Variants in SUGCT observed in about 807,000 individuals in gnomAD.
The protein encoded by SUGCT is succinyl-CoA:glutarate-CoA transferase.
SUGCT carries 41 observed loss-of-function variants against 55.0 expected under a neutral mutation model. That is an observed-to-expected ratio of 0.74 (90% CI 0.58 to 0.97). The LOEUF is 0.97. SUGCT is among the 50% of genes least tolerant of loss of function. The pLI, the probability that SUGCT is intolerant of heterozygous loss-of-function variation, is 0.00. For synonymous variants in SUGCT, 187 were observed against 200.4 expected, an observed-to-expected ratio of 0.93 and a Z score of 0.56; for missense variants, 568 against 547.8, an observed-to-expected ratio of 1.04 and a Z score of -0.37.
At chr7:40,715,581 G>A (rs1785979959) in intron 12 of SUGCT, among the ~76,000 whole-genome samples, 1 of 152,078 alleles carries the variant, frequency 6.6e-6, no homozygotes, top group Non-Finnish European at 1.5e-5. Context: ...GGATGGGCAC[G>A]AGCATCTACC....
chr7:40,853,490 G>A (rs150774037), intron 13 of SUGCT, among the ~76,000 whole-genome samples: 2 of 151,948 alleles, frequency 1.3e-5, no homozygotes, highest in Non-Finnish European at 2.9e-5. Flanking sequence ...TCAGCCTCCC[G>A]AGTAGCTGGA....
In SUGCT at chr7:40,503,973, T is replaced by C. The variant is rs1792444946; in HGVS notation, c.1089+7587T>C. Reference sequence around the variant, plus strand: ...GAAAACACTAAAATTTCCAAGAGAATAATGGGCAGAAGACATAAGATGCCA... The same window carrying C: ...GAAAACACTAAAATTTCCAAGAGAACAATGGGCAGAAGACATAAGATGCCA... On this transcript the variant is annotated intron_variant, in intron 12 of 13. Coordinates refer to ENST00000335693, the MANE Select transcript of SUGCT (RefSeq NM_001193313.2). Among the ~76,000 whole-genome samples, 4 of 152,196 alleles carry C rather than the reference T, an allele frequency of 2.6e-5. No individual in the cohort carries two copies. The South Asian group carries it at 6.2e-4, about 24-fold the overall frequency.
chr7:40,544,229 A>G (rs1794865392), intron 12 of SUGCT, among the ~76,000 whole-genome samples: 2 of 150,336 alleles, frequency 1.3e-5, no homozygotes, highest in Admixed American at 1.3e-4. Context: ...TAGAAAGGAG[A>G]TACTTCCTTT....
chr7:40,626,513 A>G (rs1447671481), intron 12 of SUGCT, among the ~76,000 whole-genome samples: 1 of 152,052 alleles, frequency 6.6e-6, no homozygotes, highest in Non-Finnish European at 1.5e-5. Context: ...CAGCCTCTCA[A>G]AGTGCTGGGA....
At chr7:40,474,516 C>T (rs191072525) in intron 11 of SUGCT, among the ~76,000 whole-genome samples, 43 of 152,220 alleles carry the variant, frequency 2.8e-4, no homozygotes, top group Admixed American at 1.7e-3. Flanking sequence ...CCAGCACACT[C>T]GCATAGTTTT....
chr7:40,432,014 A>G (rs572666371), intron 9 of SUGCT, among the ~76,000 whole-genome samples: 2 of 151,918 alleles, frequency 1.3e-5, no homozygotes, highest in South Asian at 4.2e-4. Context: ...GATGTCTTTT[A>G]TTTCTTTTTC....
At chr7:40,603,317 G>T (rs929570850) in intron 12 of SUGCT, among the ~76,000 whole-genome samples, 3 of 152,076 alleles carry the variant, frequency 2.0e-5, no homozygotes, top group Non-Finnish European at 4.4e-5. Context: ...GCTTTCTTTG[G>T]TATTCTTGTG....
chr7:40,369,857 G>C (rs1432155578), intron 9 of SUGCT, among the ~76,000 whole-genome samples: 12 of 152,150 alleles, frequency 7.9e-5, no homozygotes. Flanking sequence ...TCATGGAAAG[G>C]AGGAAAGAAA....
intron 13 of SUGCT, among the ~76,000 whole-genome samples, chr7:40,766,156 C>T (rs573341435): frequency 6.6e-6 from 1 of 152,268 alleles, no homozygotes; most frequent in East Asian, 1.9e-4. Context: ...TACATATCAT[C>T]TATATACAAA....
Position 40,758,896 on chromosome 7 carries a change from C to T in SUGCT, c.1153+9399C>T, listed in dbSNP as rs544713582. Among the ~76,000 whole-genome samples the T allele has an allele frequency of 3.9e-5, 6 of 152,220 alleles. No individual in the cohort carries two copies. In the East Asian group the frequency reaches 5.8e-4, roughly 15 times the overall value. On this transcript the variant is annotated intron_variant, in intron 13 of 13. Coordinates refer to ENST00000335693, the MANE Select transcript of SUGCT (RefSeq NM_001193313.2). The stretch of plus-strand genomic sequence containing the variant: ...TCTAATCTGCTTACAACCCTTGTGT[C>T]TGTTTGAAATGTTCCTAAGAGCTCT...
intron 4 of SUGCT, among the ~76,000 whole-genome samples, chr7:40,189,046 TAAG>T (rs1222786536): frequency 2.0e-5 from 3 of 152,144 alleles, no homozygotes; most frequent in Non-Finnish European, 2.9e-5. Flanking sequence ...TTGTCAGCAA[TAAG>T]AAGAACTTTC....
chr7:40,536,086 A>G (rs1197442891), intron 12 of SUGCT, among the ~76,000 whole-genome samples: 1 of 152,174 alleles, frequency 6.6e-6, no homozygotes, highest in African/African-American at 2.4e-5. Flanking sequence ...TGTCGAATGC[A>G]TGGTTTGCAA....
the SUGCT span, among the ~76,000 whole-genome samples, chr7:41,035,883 C>T: frequency 6.6e-6 from 1 of 152,164 alleles, no homozygotes; most frequent in Non-Finnish European, 1.5e-5. Context: ...CCATCTGCCT[C>T]ACATGATGCA....
the SUGCT span, among the ~76,000 whole-genome samples, chr7:40,991,631 G>C: frequency 6.6e-6 from 1 of 152,092 alleles, no homozygotes; most frequent in African/African-American, 2.4e-5. Context: ...TTTAGGGTGA[G>C]GCAGGCCGGA....
intron 6 of SUGCT, among the ~76,000 whole-genome samples, chr7:40,195,783 C>T (rs1479096127): frequency 4.6e-5 from 6 of 131,724 alleles, no homozygotes; most frequent in African/African-American, 1.5e-4. Context: ...GGCATGATCT[C>T]GGCTCACTGC....
chr7:40,201,012 T>C (rs115309532), intron 6 of SUGCT, among the ~76,000 whole-genome samples: 2,548 of 152,062 alleles, frequency 0.017, 69 homozygotes, highest in African/African-American at 0.06. Context: ...ACGGCATGAG[T>C]TAGTCTGTGT....
intron 12 of SUGCT, among the ~76,000 whole-genome samples, chr7:40,567,962 A>C (rs969439630): frequency 6.6e-6 from 1 of 152,262 alleles, no homozygotes; most frequent in African/African-American, 2.4e-5. Flanking sequence ...ACTAGCTTAC[A>C]TGAGGGCTTA....
At chr7:40,202,202 G>A (rs1786650427) in intron 6 of SUGCT, among the ~76,000 whole-genome samples, 1 of 152,060 alleles carries the variant, frequency 6.6e-6, no homozygotes, top group Non-Finnish European at 1.5e-5. Flanking sequence ...TGAACTCCTG[G>A]GCTGAAGTGA....
chr7:40,912,219 A>T, the SUGCT span, among the ~76,000 whole-genome samples: 3 of 152,294 alleles, frequency 2.0e-5, no homozygotes, highest in African/African-American at 7.2e-5. Flanking sequence ...TAGATTGGCC[A>T]CATTTATGAT....
Sources: allele counts gnomAD v4.1 joint callset (sites outside exome capture counted in the v4.1 genomes callset), GRCh38; gene constraint gnomAD v4.1.1; transcripts MANE v1.5; gene names NCBI Gene and HGNC (gene_info 2026-07-23, HGNC 2026-07-21).